The following CLTB variants were observed in gnomAD, a reference collection of about 807,000 sequenced individuals.
CLTB encodes the protein clathrin light chain B.
Under a neutral mutation model 30.5 loss-of-function variants are expected in CLTB, and 10 were observed. The ratio of observed to expected loss-of-function variants is 0.33; its 90% CI spans 0.20 to 0.56. The LOEUF (loss-of-function observed/expected upper bound fraction) is 0.56, where lower values mean the gene tolerates loss of function less well. Ranked by LOEUF, CLTB falls within the 20% of genes least tolerant of loss-of-function variation. The pLI is 0.91. For synonymous variants in CLTB, 102 were observed against 120.3 expected, an observed-to-expected ratio of 0.85 and a Z score of 1.00; for missense variants, 261 against 308.3, an observed-to-expected ratio of 0.85 and a Z score of 1.15.
intron 2 of CLTB, chr5:176,407,740 G>A (rs192385637): frequency 1.3e-5 from 2 of 152,228 alleles, no homozygotes; most frequent in Non-Finnish European, 2.9e-5. Flanking sequence ...GATCTACCAA[G>A]CTGCACAGAA....
chr5:176,401,575 GA>G (rs1183876648), intron 2 of CLTB, among the ~76,000 whole-genome samples: 1 of 152,162 alleles, frequency 6.6e-6, no homozygotes, highest in African/African-American at 2.4e-5. Context: ...GGTCATATCT[GA>G]GCACTGTCTT....
At chr5:176,404,651 A>G (rs913477177) in intron 2 of CLTB, among the ~76,000 whole-genome samples, 7 of 152,172 alleles carry the variant, frequency 4.6e-5, no homozygotes, top group Non-Finnish European at 8.8e-5. Context: ...AACTGGGCCC[A>G]CATCTCCGCC....
rs1361849565 is a variant in CLTB, at chr5:176,392,954, G to A, written c.519-9C>T. 2 of 1,613,922 alleles carry A rather than the reference G, an allele frequency of 1.2e-6. No homozygotes were observed. The highest frequency in any genetic ancestry group is 1.3e-5 in the African/African-American group (1 of 74,916). On this transcript the variant is annotated splice_polypyrimidine_tract_variant and intron_variant, in intron 5 of 5. Coordinates refer to ENST00000310418, the MANE Select transcript of CLTB (RefSeq NM_007097.5). The surrounding 1 kb of genome is among the most constrained non-coding windows in gnomAD (Gnocchi z 5.2). ...AAGCCTCCTCGGATGCCCTGCGGGT[G>A]GAGATAGGACGGGCTTTTATAGCAG...
At chr5:176,401,202 C>T (rs1294124082) in intron 2 of CLTB, among the ~76,000 whole-genome samples, 2 of 152,238 alleles carry the variant, frequency 1.3e-5, no homozygotes, top group Non-Finnish European at 2.9e-5. Context: ...CTCCCAGCAC[C>T]GCTGCCCAAA....
At chr5:176,400,668 C>T (rs911648597) in intron 2 of CLTB, among the ~76,000 whole-genome samples, 4 of 152,228 alleles carry the variant, frequency 2.6e-5, no homozygotes, top group African/African-American at 9.7e-5. Context: ...TGTCTCCTGG[C>T]GCTTCTGTCT....
chr5:176,412,119 T>A (rs1268671375), intron 1 of CLTB, among the ~76,000 whole-genome samples: 1 of 142,388 alleles, frequency 7.0e-6, no homozygotes, highest in African/African-American at 2.6e-5. Flanking sequence ...GAGCTTGCAG[T>A]GAGCCGAGAT....
At chr5:176,403,216 C>CT (rs925039483) in intron 2 of CLTB, among the ~76,000 whole-genome samples, 3 of 151,656 alleles carry the variant, frequency 2.0e-5, no homozygotes, top group African/African-American at 4.8e-5. Context: ...CACCTGGCTA[C>CT]TTTTTTTATT....
At chr5:176,400,846 C>T (rs1197059279) in intron 2 of CLTB, among the ~76,000 whole-genome samples, 1 of 152,226 alleles carries the variant, frequency 6.6e-6, no homozygotes, top group African/African-American at 2.4e-5. Flanking sequence ...TAAGCAGTGG[C>T]TGAATGAGCA....
At chr5:176,401,624 T>C (rs534349080) in intron 2 of CLTB, 45 of 425,198 alleles carry the variant, frequency 1.1e-4, no homozygotes, top group African/African-American at 9.1e-4. Flanking sequence ...CCTCAGCCTT[T>C]AGGTCTATCA....
Position 176,392,576 on chromosome 5 carries a change from G to C in CLTB, c.*198C>G, listed in dbSNP as rs1756300128. The C allele has an allele frequency of 1.7e-6, 1 of 591,542 alleles. No individual in the cohort carries two copies. Among genetic ancestry groups the C allele is most frequent in the Non-Finnish European group, 3.0e-6 (1 of 332,884 alleles). The allele number at this position is 591,542 out of a possible 1,614,324, so 36.6% of individuals were successfully genotyped here. ...TCACAATTGAGTAGACTGAGAGGAGGCGTGAGGGGCTGGACCAGAGGGCCA... is the reference window on the plus strand; with the variant it reads ...TCACAATTGAGTAGACTGAGAGGAGCCGTGAGGGGCTGGACCAGAGGGCCA... On this transcript the variant is annotated 3_prime_UTR_variant, in exon 6 of 6. Coordinates refer to ENST00000310418, the MANE Select transcript of CLTB (RefSeq NM_007097.5). The surrounding 1 kb of genome is among the most constrained non-coding windows in gnomAD (Gnocchi z 5.2).
chr5:176,405,100 C>T (rs1381571503), intron 2 of CLTB, among the ~76,000 whole-genome samples: 1 of 152,204 alleles, frequency 6.6e-6, no homozygotes, highest in Non-Finnish European at 1.5e-5. Flanking sequence ...CAGAGAAGAA[C>T]TCAATCTGTT....
intron 1 of CLTB, among the ~76,000 whole-genome samples, chr5:176,412,310 G>A (rs1757483773): frequency 6.6e-6 from 1 of 152,056 alleles, no homozygotes. Context: ...CTCACTTCCG[G>A]GGTATCCCAG....
intron 2 of CLTB, among the ~76,000 whole-genome samples, chr5:176,404,036 T>G (rs1756974983): frequency 1.3e-5 from 2 of 152,208 alleles, no homozygotes; most frequent in Non-Finnish European, 2.9e-5. Context: ...ATTACAGGCA[T>G]GAGCCACCAC....
At chr5:176,394,304 C>A (rs1204597912) in intron 5 of CLTB, among the ~76,000 whole-genome samples, 2 of 152,186 alleles carry the variant, frequency 1.3e-5, no homozygotes, top group Non-Finnish European at 2.9e-5. Flanking sequence ...GAAATGCAGA[C>A]CCTTGGGCCT....
intron 5 of CLTB, among the ~76,000 whole-genome samples, chr5:176,394,550 G>A (rs962728785): frequency 6.6e-6 from 1 of 151,970 alleles, no homozygotes; most frequent in Non-Finnish European, 1.5e-5. Flanking sequence ...AGGCGCGGTG[G>A]CTCATGCCTG....
chr5:176,400,201 A>C (rs938382410), intron 2 of CLTB, among the ~76,000 whole-genome samples: 2 of 151,976 alleles, frequency 1.3e-5, no homozygotes, highest in Non-Finnish European at 2.9e-5. Context: ...CTATCTCAAA[A>C]AAAAAAAGAA....
chr5:176,397,884 C>CCA, intron 3 of CLTB, 46 bp downstream of exon 3: 1 of 1,554,760 alleles, frequency 6.4e-7, no homozygotes, highest in Non-Finnish European at 8.9e-7. Context: ...ACACTCCACC[C>CCA]CACACACAGC....
Position 176,416,322 on chromosome 5 carries a change from A to G in CLTB, c.42T>C (p.Gly14=), listed in dbSNP as rs145048156. 1.2e-6 allele frequency: 2 copies of G among 1,602,446 alleles called. No homozygotes were observed. The highest frequency in any genetic ancestry group is 1.7e-5 in the Admixed American group (1 of 59,324). The change falls in exon 1 of 6, where the codon GGT becomes GGC. Residue 14 remains glycine (G), a synonymous_variant. Coordinates refer to ENST00000310418, the MANE Select transcript of CLTB (RefSeq NM_007097.5). ...DFGFFSSSES[G]APEAAEEDPA... ...GGTCCTCCTCCGCCGCCTCCGGGGC[A>G]CCGCTCTCCGACGACGAGAAGAAGC...
intron 5 of CLTB, among the ~76,000 whole-genome samples, chr5:176,395,982 A>G (rs965640320): frequency 6.6e-6 from 1 of 152,088 alleles, no homozygotes; most frequent in Non-Finnish European, 1.5e-5. Context: ...TAAAAATACA[A>G]AAGTTAGCCG....
Sources: gnomAD v4.1 joint callset for allele counts (sites outside exome capture counted in the v4.1 genomes callset) on GRCh38, gnomAD v4.1.1 for gene constraint, Gnocchi (gnomAD v3.1) non-coding constraint, MANE v1.5 for transcripts, NCBI Gene and HGNC (gene_info 2026-07-23, HGNC 2026-07-21) for gene names.